The following NFIA variants were observed in gnomAD, a reference collection of about 807,000 sequenced individuals.
NFIA encodes the protein nuclear factor I A.
NFIA carries 8 observed loss-of-function variants against 62.8 expected under a neutral mutation model. The ratio of observed to expected loss-of-function variants is 0.13; its 90% confidence interval spans 0.07 to 0.23. The LOEUF (loss-of-function observed/expected upper bound fraction) is 0.23, where lower values mean the gene tolerates loss of function less well. NFIA is among the 10% of genes least tolerant of loss of function. The pLI, the probability that NFIA is intolerant of heterozygous loss-of-function variation, is 1.00. For missense variants in NFIA, 410 were observed against 642.1 expected (o/e 0.64, Z 3.91); for synonymous variants, 235 against 238.1 (o/e 0.99, Z 0.12).
At chr1:61,099,455 C>T (rs559399530) in intron 2 of NFIA, among the ~76,000 whole-genome samples, 1 of 152,174 alleles carries the variant, frequency 6.6e-6, no homozygotes, top group Non-Finnish European at 1.5e-5. Flanking sequence ...TCTTTAAACT[C>T]TTTTGGCAAT....
At chr1:61,130,343 T>C (rs1336979365) in intron 2 of NFIA, among the ~76,000 whole-genome samples, 5 of 152,180 alleles carry the variant, frequency 3.3e-5, no homozygotes, top group Non-Finnish European at 7.3e-5. Flanking sequence ...TCTTACTCTT[T>C]TTAAGTCATG....
chr1:61,147,155 CTT>C (rs34810765), intron 2 of NFIA, among the ~76,000 whole-genome samples: 119 of 145,448 alleles, frequency 8.2e-4, no homozygotes, highest in Admixed American at 3.3e-3. Context: ...TTCTTTAAAT[CTT>C]TTTTTTTTTT....
At chr1:61,343,410 A>G (rs1662035155) in intron 4 of NFIA, among the ~76,000 whole-genome samples, 1 of 152,192 alleles carries the variant, frequency 6.6e-6, no homozygotes, top group Non-Finnish European at 1.5e-5. Flanking sequence ...TCCTTCCGCC[A>G]CCATGTATAT....
chr1:61,079,006 T>C (rs1325345707), upstream of NFIA, among the ~76,000 whole-genome samples: 1 of 152,314 alleles, frequency 6.6e-6, no homozygotes, highest in African/African-American at 2.4e-5. Flanking sequence ...GAAAATAATA[T>C]GGGCTCTTTC....
chr1:61,285,570 T>G (rs1658434238), intron 3 of NFIA, among the ~76,000 whole-genome samples: 1 of 152,202 alleles, frequency 6.6e-6, no homozygotes, highest in Non-Finnish European at 1.5e-5. Flanking sequence ...TTCCTCATTC[T>G]TTTTCTCTTC....
intron 3 of NFIA, among the ~76,000 whole-genome samples, chr1:61,308,267 C>A (rs1659908524): frequency 6.6e-6 from 1 of 152,130 alleles, no homozygotes; most frequent in African/African-American, 2.4e-5. Flanking sequence ...TGATGACAGT[C>A]TTTTAACGAA....
intron 2 of NFIA, among the ~76,000 whole-genome samples, chr1:61,207,874 A>AGTTT (rs1327582706): frequency 1.2e-4 from 19 of 152,016 alleles, no homozygotes; most frequent in African/African-American, 4.3e-4. Context: ...TTTGAGGGAA[A>AGTTT]TGTGCACATT....
chr1:61,115,241 A>G (rs1646775973), intron 2 of NFIA, among the ~76,000 whole-genome samples: 3 of 152,178 alleles, frequency 2.0e-5, no homozygotes, highest in Non-Finnish European at 4.4e-5. Context: ...TCAGCCTCCC[A>G]AAGTCCTGGG....
At chr1:61,175,193 G>A (rs1196393650) in intron 2 of NFIA, among the ~76,000 whole-genome samples, 2 of 151,918 alleles carry the variant, frequency 1.3e-5, no homozygotes, top group Admixed American at 1.3e-4. Context: ...CCAGGCTGGA[G>A]TACAGTGACA....
chr1:61,406,542 T>TGGGGGGGGGGGGGGGGGGGGGGGGGGG lies in NFIA; in HGVS notation c.1255-19_1255-18insGGGGGGGGGGGGGGGGGGGGGGGGGGG. ...TTCTTTTTCTTGTACGTGTGTTTTC[T>TGGGGGGGGGGGGGGGGGGGGGGGGGGG]GCCCCCCCCCCCCCCACAGCCCAAT... On this transcript the variant is annotated intron_variant, in intron 8 of 10. Coordinates refer to ENST00000403491, the MANE Select transcript of NFIA (RefSeq NM_001134673.4). The TGGGGGGGGGGGGGGGGGGGGGGGGGGG allele has an allele frequency of 5.6e-6, 7 of 1,253,816 alleles. No homozygotes were observed. The highest frequency in any genetic ancestry group is 3.1e-5 in the East Asian group (1 of 32,728). 77.7% of individuals were successfully genotyped at this position (1,253,816 alleles called of 1,614,324 possible). A position where few individuals can be genotyped will look rare whatever the true frequency, so the allele number is the denominator to read the frequency against.
intron 2 of NFIA, among the ~76,000 whole-genome samples, chr1:61,230,827 A>G (rs1449798931): frequency 6.6e-6 from 1 of 152,170 alleles, no homozygotes; most frequent in Non-Finnish European, 1.5e-5. Context: ...TCAGTACTGC[A>G]GTGTCAGTGC....
At chr1:61,377,139 C>T (rs1664188017) in intron 6 of NFIA, among the ~76,000 whole-genome samples, 1 of 151,856 alleles carries the variant, frequency 6.6e-6, no homozygotes, top group Non-Finnish European at 1.5e-5. Flanking sequence ...AGGAGAATTG[C>T]TTGAACCAGG....
At chr1:61,216,597 C>T (rs952145215) in intron 2 of NFIA, among the ~76,000 whole-genome samples, 1 of 152,184 alleles carries the variant, frequency 6.6e-6, no homozygotes, top group Admixed American at 6.5e-5. Flanking sequence ...AATTAATTGC[C>T]TCTGAGACAC....
At chr1:61,133,225 G>C (rs779106618) in intron 2 of NFIA, among the ~76,000 whole-genome samples, 1 of 151,136 alleles carries the variant, frequency 6.6e-6, no homozygotes, top group Non-Finnish European at 1.5e-5. Context: ...TAAAAGGCTA[G>C]CTGTGTGGAG....
chr1:61,164,257 G>A (rs998827878), intron 2 of NFIA, among the ~76,000 whole-genome samples: 7 of 151,794 alleles, frequency 4.6e-5, no homozygotes, highest in Non-Finnish European at 1.0e-4. Flanking sequence ...GTTGCCATAT[G>A]TATGTTGAAG....
At chr1:61,440,211 T>C (rs1467566978) in intron 10 of NFIA, among the ~76,000 whole-genome samples, 1 of 152,168 alleles carries the variant, frequency 6.6e-6, no homozygotes, top group African/African-American at 2.4e-5. Flanking sequence ...GGGCAGAAGT[T>C]AATATTTCAA....
chr1:61,373,652 A>G (rs1173701218), intron 6 of NFIA, among the ~76,000 whole-genome samples: 2 of 152,198 alleles, frequency 1.3e-5, no homozygotes, highest in Non-Finnish European at 2.9e-5. Context: ...GGCTAATGTT[A>G]TATGCCAACG....
At chr1:61,083,374 C>T (rs990494894) in intron 1 of NFIA, among the ~76,000 whole-genome samples, 1 of 152,132 alleles carries the variant, frequency 6.6e-6, no homozygotes, top group Non-Finnish European at 1.5e-5. Context: ...TGCGCTGCCG[C>T]AGCCCCCCGC....
chr1:61,347,361 G>T (rs12068919), intron 4 of NFIA, among the ~76,000 whole-genome samples: 1 of 151,728 alleles, frequency 6.6e-6, no homozygotes, highest in Admixed American at 6.6e-5. Context: ...TTTTAGCAGA[G>T]ATGGAGTTTC....
Sources: gnomAD v4.1 joint callset for allele counts (sites outside exome capture counted in the v4.1 genomes callset) on GRCh38, gnomAD v4.1.1 for gene constraint, MANE v1.5 for transcripts, NCBI Gene and HGNC (gene_info 2026-07-23, HGNC 2026-07-21) for gene names.